Variants in ANO3 observed in about 807,000 individuals in gnomAD.
The protein encoded by ANO3 is anoctamin-3.
A neutral mutation model predicts 144.8 loss-of-function variants in ANO3; 99 were observed. The observed-to-expected ratio is 0.68, with a 90% CI of 0.58 to 0.81. The LOEUF (loss-of-function observed/expected upper bound fraction) is 0.81, where lower values mean the gene tolerates loss of function less well. ANO3 is among the 30% of genes least tolerant of loss of function. ANO3 has a pLI of 0.00. For missense variants in ANO3, 905 were observed against 1,202.2 expected (o/e 0.75, Z 3.66); for synonymous variants, 414 against 392.6 (o/e 1.05, Z -0.64).
intron 3 of ANO3, among the ~76,000 whole-genome samples, chr11:26,457,279 C>T (rs1490764684): frequency 2.7e-5 from 4 of 146,492 alleles, no homozygotes; most frequent in Admixed American, 6.9e-5. Flanking sequence ...TACCCTAGAA[C>T]TTATAGTATA....
At chr11:26,423,890 A>G (rs12276198) in intron 1 of ANO3, among the ~76,000 whole-genome samples, 17,217 of 152,020 alleles carry the variant, frequency 0.11, 1,803 homozygotes, top group African/African-American at 0.28. Context: ...CAGTTCTGCC[A>G]GTTGCTAGAT....
chr11:26,606,089 C>A (rs931302953), intron 17 of ANO3, among the ~76,000 whole-genome samples: 1 of 152,144 alleles, frequency 6.6e-6, no homozygotes, highest in African/African-American at 2.4e-5. Flanking sequence ...TATAAATTTC[C>A]CTGTAAATAC....
At chr11:26,263,724 T>C (rs1242927180) in intron 1 of ANO3, among the ~76,000 whole-genome samples, 2 of 152,342 alleles carry the variant, frequency 1.3e-5, no homozygotes, top group South Asian at 4.1e-4. Flanking sequence ...GAAAAGCCCA[T>C]GTTTTCTGAA....
chr11:26,216,524 T>A lies in ANO3; in HGVS notation c.154+27194T>A, dbSNP rs1313297033. ...ACCCTTCATTTATCCATTCACTTGT[T>A]AAAGATATATTGAATGCTTCCTGTT... is the stretch of plus-strand genomic sequence containing the variant. On this transcript the variant is annotated intron_variant, in intron 1 of 27. Coordinates refer to the ANO3 transcript ENST00000672621. 4.6e-5 allele frequency among the ~76,000 whole-genome samples: 7 copies of A among 152,030 alleles called. No homozygotes were observed. The East Asian group carries it at 1.2e-3, about 25-fold the overall frequency.
intron 1 of ANO3, among the ~76,000 whole-genome samples, chr11:26,225,072 C>T (rs1019826069): frequency 6.6e-6 from 1 of 152,118 alleles, no homozygotes; most frequent in Non-Finnish European, 1.5e-5. Flanking sequence ...AAAAGATTCT[C>T]TCCTTAGAGA....
chr11:26,609,382 A>G (rs1170415749), intron 17 of ANO3, among the ~76,000 whole-genome samples: 2 of 151,682 alleles, frequency 1.3e-5, no homozygotes, highest in African/African-American at 2.4e-5. Flanking sequence ...AGGATATCAC[A>G]TGCAGGATTC....
intron 1 of ANO3, among the ~76,000 whole-genome samples, chr11:26,255,104 G>A (rs975319165): frequency 6.6e-6 from 1 of 152,194 alleles, no homozygotes; most frequent in African/African-American, 2.4e-5. Flanking sequence ...CTAACAACTA[G>A]GTTGGAGTTT....
At chr11:26,647,501 A>G (rs1340996322) in intron 23 of ANO3, among the ~76,000 whole-genome samples, 1 of 152,208 alleles carries the variant, frequency 6.6e-6, no homozygotes, top group Non-Finnish European at 1.5e-5. Context: ...CAATTTTTGA[A>G]TCTTTCTAGA....
intron 1 of ANO3, among the ~76,000 whole-genome samples, chr11:26,366,636 C>T (rs931057863): frequency 2.0e-5 from 3 of 152,010 alleles, no homozygotes; most frequent in Non-Finnish European, 4.4e-5. Context: ...GTCTCCAGCA[C>T]CTGTTGTTTC....
intron 6 of ANO3, among the ~76,000 whole-genome samples, chr11:26,522,369 T>G (rs1323160026): frequency 5.3e-5 from 8 of 152,184 alleles, no homozygotes; most frequent in Non-Finnish European, 1.0e-4. Context: ...TTAACTGTCC[T>G]CCTCACTTAG....
chr11:26,393,952 A>G (rs1856942805), intron 1 of ANO3, among the ~76,000 whole-genome samples: 1 of 152,180 alleles, frequency 6.6e-6, no homozygotes, highest in Non-Finnish European at 1.5e-5. Context: ...ATCTACGGAC[A>G]TATTCGGTTG....
chr11:26,289,654 T>G (rs201374902), intron 1 of ANO3, among the ~76,000 whole-genome samples: 1 of 67,358 alleles, frequency 1.5e-5, no homozygotes, highest in East Asian at 3.9e-4. Flanking sequence ...ACACATATAT[T>G]CTATATGTGT....
At chr11:26,447,108 G>A (rs1036348216) in intron 3 of ANO3, among the ~76,000 whole-genome samples, 1 of 149,146 alleles carries the variant, frequency 6.7e-6, no homozygotes, top group African/African-American at 2.5e-5. Context: ...GCAGGAGGCT[G>A]AGATGGGAGT....
chr11:26,319,689 T>G (rs1007658818), intron 1 of ANO3, among the ~76,000 whole-genome samples: 1 of 152,226 alleles, frequency 6.6e-6, no homozygotes, highest in African/African-American at 2.4e-5. Context: ...CTCCTTTTCA[T>G]TTTTGCTAAT....
chr11:26,251,499 G>A (rs575951600), intron 1 of ANO3, among the ~76,000 whole-genome samples: 1 of 152,288 alleles, frequency 6.6e-6, no homozygotes, highest in African/African-American at 2.4e-5. Flanking sequence ...TTAAGCAAAT[G>A]AATGAATCAC....
At chr11:26,572,447 T>C (rs1230195372) in intron 14 of ANO3, among the ~76,000 whole-genome samples, 3 of 152,076 alleles carry the variant, frequency 2.0e-5, no homozygotes, top group African/African-American at 7.2e-5. Flanking sequence ...CAAAGTCATC[T>C]GGTATAGCAG....
At chr11:26,573,455 C>T (rs1206553166) in intron 14 of ANO3, among the ~76,000 whole-genome samples, 1 of 152,088 alleles carries the variant, frequency 6.6e-6, no homozygotes, top group African/African-American at 2.4e-5. Flanking sequence ...TCAGATTAGC[C>T]ACTTTTTAGG....
intron 18 of ANO3, among the ~76,000 whole-genome samples, chr11:26,627,863 C>T (rs1852644459): frequency 8.0e-6 from 1 of 124,564 alleles, no homozygotes; most frequent in African/African-American, 2.9e-5. Flanking sequence ...GTGCGCCTGA[C>T]ATTATGTTCT....
chr11:26,206,979 G>A lies in ANO3; in HGVS notation c.154+17649G>A, dbSNP rs555817277. Among the ~76,000 whole-genome samples the A allele has an allele frequency of 2.0e-5, 3 of 152,206 alleles. No homozygotes were observed. In the South Asian group the frequency reaches 6.2e-4, roughly 32 times the overall value. On this transcript the variant is annotated intron_variant, in intron 1 of 27. Coordinates refer to the ANO3 transcript ENST00000672621. The stretch of plus-strand genomic sequence containing the variant: ...TAAAAGTATGAAGGGCAAATATTAC[G>A]TGATATCATTTGTATGAGGGATCTA...
Sources: gnomAD v4.1 joint callset for allele counts (sites outside exome capture counted in the v4.1 genomes callset) on GRCh38, gnomAD v4.1.1 for gene constraint, MANE v1.5 for transcripts, NCBI Gene and HGNC (gene_info 2026-07-23, HGNC 2026-07-21) for gene names.